GALNT9: variants seen among roughly 807,000 people sequenced by gnomAD.
GALNT9 encodes the protein GalNAc transferase 9.
A neutral mutation model predicts 63.1 loss-of-function variants in GALNT9; 47 were observed. That is an observed-to-expected ratio of 0.75 (90% CI 0.59 to 0.95). The LOEUF is 0.95. Ranked by LOEUF, GALNT9 falls within the 40% of genes least tolerant of loss-of-function variation. GALNT9 has a pLI of 0.00. For missense variants in GALNT9, 829 were observed against 874.8 expected (o/e 0.95, Z 0.66); for synonymous variants, 396 against 365.7 (o/e 1.08, Z -0.94).
intron 6 of GALNT9, chr12:132,205,499 T>G (rs920730797): frequency 2.6e-5 from 4 of 151,342 alleles, no homozygotes; most frequent in South Asian, 2.1e-4. Context: ...ACCCAGAGCC[T>G]CCTCGCTGCT....
chr12:132,248,463 A>ATCCTGTC (rs142857873), intron 5 of GALNT9, among the ~76,000 whole-genome samples: 9,866 of 152,198 alleles, frequency 0.065, 416 homozygotes, highest in South Asian at 0.15. Flanking sequence ...ACAGAGTGAG[A>ATCCTGTC]TCCTGTCTCC....
intron 2 of GALNT9, among the ~76,000 whole-genome samples, chr12:132,269,734 C>T (rs1040545915): frequency 6.6e-6 from 1 of 152,210 alleles, no homozygotes; most frequent in Non-Finnish European, 1.5e-5. Context: ...AGGTCTCAGA[C>T]GCGTGGGGCC....
chr12:132,310,513 G>T lies in GALNT9; in HGVS notation c.238+18453C>A, dbSNP rs1385827523. 1.3e-5 allele frequency among the ~76,000 whole-genome samples: 2 copies of T among 152,166 alleles called. No individual in the cohort carries two copies. Among genetic ancestry groups the T allele is most frequent in the Non-Finnish European group, 2.9e-5 (2 of 68,032 alleles). The stretch of plus-strand genomic sequence containing the variant: ...GCAGGCATTTCTGCCGGCTTCCTCT[G>T]TGTCCCTGCCCCCTGAAGAGTCATT... On this transcript the variant is annotated intron_variant, in intron 1 of 10. Transcript: ENST00000328957. The surrounding 1 kb of genome is among the most constrained non-coding windows in gnomAD (Gnocchi z 4.8).
intron 5 of GALNT9, among the ~76,000 whole-genome samples, chr12:132,250,008 C>T (rs1404428882): frequency 2.0e-5 from 3 of 152,202 alleles, no homozygotes; most frequent in East Asian, 3.8e-4. Context: ...TCCAGCCGGA[C>T]GCCTCTTGTT....
rs1280888026 is a variant in GALNT9 at position 132,316,782 on chromosome 12, G to A, written c.238+12184C>T. Among the ~76,000 whole-genome samples the A allele has an allele frequency of 1.3e-5, 2 of 152,038 alleles. No homozygotes were observed. Among genetic ancestry groups the A allele is most frequent in the Non-Finnish European group, 2.9e-5 (2 of 67,990 alleles). ...CACTGGCGCTCACATGGGGTACTCG[G>A]ACCCATAGGGACATTTGGTGAGACC... On this transcript the variant is annotated intron_variant, in intron 1 of 10. Transcript: ENST00000328957. This position sits in a 1 kb window ranked among gnomAD's most constrained non-coding sequence, Gnocchi z 4.3.
intron 2 of GALNT9, among the ~76,000 whole-genome samples, chr12:132,281,793 G>A (rs548967861): frequency 3.3e-5 from 5 of 151,266 alleles, no homozygotes; most frequent in African/African-American, 1.2e-4. Flanking sequence ...GCCCAGGCCT[G>A]GGGGTCCCCG....
intron 1 of GALNT9, among the ~76,000 whole-genome samples, chr12:132,308,822 C>T (rs1593119317): frequency 6.6e-6 from 1 of 151,840 alleles, no homozygotes; most frequent in Non-Finnish European, 1.5e-5. Context: ...CGGCCGTCCT[C>T]ACACCTCACC....
intron 6 of GALNT9, among the ~76,000 whole-genome samples, chr12:132,230,543 C>T (rs1046996771): frequency 1.1e-4 from 17 of 151,718 alleles, no homozygotes; most frequent in African/African-American, 2.2e-4. Context: ...GCCTGGCCCT[C>T]GTGGCGGGGG....
intron 6 of GALNT9, among the ~76,000 whole-genome samples, chr12:132,239,585 CAGAGAGACAG>C (rs1157143891): frequency 1.4e-5 from 2 of 146,636 alleles, no homozygotes; most frequent in Non-Finnish European, 3.0e-5. Context: ...GACAGAGACA[CAGAGAGACAG>C]AGAGAGACAC....
Position 132,201,269 on chromosome 12 carries a change from GC to G in GALNT9, c.1264-9del. The stretch of plus-strand genomic sequence containing the variant: ...GAAGTCCACCCCTGGGTTCTGCAAG[GC>G]CAGAAGTAGGTGAGAGGGTACATGG... On this transcript the variant is annotated splice_polypyrimidine_tract_variant and intron_variant, in intron 7 of 10. Transcript: ENST00000328957. 6.2e-7 allele frequency: 1 copy of G among 1,607,536 alleles called. No individual in the cohort carries two copies. The highest frequency in any genetic ancestry group is 8.5e-7 in the Non-Finnish European group (1 of 1,174,460).
chr12:132,325,287 C>T (rs1170363915), intron 1 of GALNT9, among the ~76,000 whole-genome samples: 1 of 152,242 alleles, frequency 6.6e-6, no homozygotes, highest in African/African-American at 2.4e-5. Flanking sequence ...AACCCTCTCG[C>T]TTGCTCACTG....
rs1245519013 is a variant in GALNT9, at chr12:132,246,460, A to G, written c.1077+1450T>C. On this transcript the variant is annotated intron_variant, in intron 6 of 10. Transcript: ENST00000328957. The surrounding 1 kb of genome is among the most constrained non-coding windows in gnomAD (Gnocchi z 4.7). ...ATAAAACACTATGTTTGTAAGTGCC[A>G]TTTTTAAAAGGCTCAAGGGACTTTA... Among the ~76,000 whole-genome samples the G allele has an allele frequency of 6.6e-6, 1 of 152,216 alleles. No individual in the cohort carries two copies. The highest frequency in any genetic ancestry group is 2.4e-5 in the African/African-American group (1 of 41,452).
At position 132,304,573 on chromosome 12, in the gene GALNT9, ACCCTCGCCCGGACACG is replaced by A. The variant is rs1555244343; in HGVS notation, c.239-18159_239-18144del. 3.0e-3 allele frequency among the ~76,000 whole-genome samples: 109 copies of A among 35,906 alleles called. 6 individuals are homozygous for A. The highest frequency in any genetic ancestry group is 0.019 in the East Asian group (3 of 154). The allele number at this position is 35,906 out of a possible 152,430, so 23.6% of individuals were successfully genotyped here. A position where few individuals can be genotyped will look rare whatever the true frequency, so the allele number is the denominator to read the frequency against. On this transcript the variant is annotated intron_variant, in intron 1 of 10. Transcript: ENST00000328957. Reference sequence around the variant, plus strand: ...CCCAGACACACCCTCACCGGGGCACACCCTCGCCCGGACACGCCCTCACCCGGGCACAGCCTCACCC... The same window carrying A: ...CCCAGACACACCCTCACCGGGGCACACCCTCACCCGGGCACAGCCTCACCC...
chr12:132,244,215 A>G (rs1273027495), intron 6 of GALNT9, among the ~76,000 whole-genome samples: 5 of 126,840 alleles, frequency 3.9e-5, no homozygotes, highest in African/African-American at 9.3e-5. Context: ...GGGGACTGGA[A>G]AGCGGTGGTC....
chr12:132,317,489 A>G (rs28374031), intron 1 of GALNT9, among the ~76,000 whole-genome samples: 2 of 152,104 alleles, frequency 1.3e-5, no homozygotes, highest in African/African-American at 4.8e-5. Context: ...CACCTCACCA[A>G]GGAGACCTGC....
chr12:132,289,596 C>G (rs577938522), intron 1 of GALNT9, among the ~76,000 whole-genome samples: 40 of 152,348 alleles, frequency 2.6e-4, no homozygotes, highest in African/African-American at 8.9e-4. Context: ...TGTGGTCACC[C>G]GTCACTTGCA....
At chr12:132,261,444 T>G (rs1422817282) in intron 3 of GALNT9, among the ~76,000 whole-genome samples, 2 of 152,124 alleles carry the variant, frequency 1.3e-5, no homozygotes, top group African/African-American at 4.8e-5. Flanking sequence ...CATGCATGGA[T>G]GGGTGGACAC....
At chr12:132,241,251 C>T (rs1466432307) in intron 6 of GALNT9, among the ~76,000 whole-genome samples, 2 of 60,978 alleles carry the variant, frequency 3.3e-5, no homozygotes, top group African/African-American at 7.2e-5. Flanking sequence ...ATTACACACA[C>T]GCCACACCCC....
chr12:132,214,838 C>T (rs1169001652), intron 6 of GALNT9, among the ~76,000 whole-genome samples: 1 of 152,248 alleles, frequency 6.6e-6, no homozygotes, highest in Non-Finnish European at 1.5e-5. Context: ...GGCGGTGGCA[C>T]CCTGTTCCTG....
Sources: allele counts gnomAD v4.1 joint callset (sites outside exome capture counted in the v4.1 genomes callset), GRCh38; gene constraint gnomAD v4.1.1; non-coding constraint Gnocchi (gnomAD v3.1); transcripts MANE v1.5; gene names NCBI Gene and HGNC (gene_info 2026-07-23, HGNC 2026-07-21).